EPHA6: variants seen among roughly 807,000 people sequenced by gnomAD.
EPHA6 encodes EPH receptor A6, also known as ephrin type-A receptor 6.
Under a neutral mutation model 112.0 loss-of-function variants are expected in EPHA6, and 50 were observed. The observed-to-expected ratio is 0.45, with a 90% CI of 0.36 to 0.56. EPHA6 has a LOEUF of 0.56. EPHA6 is among the 20% of genes least tolerant of loss of function. The pLI is 0.00. For synonymous variants in EPHA6, 529 were observed against 490.7 expected (o/e 1.08, Z -1.03); for missense variants, 1,280 against 1,417.4 (o/e 0.90, Z 1.56).
chr3:97,314,626 T>C (rs531006471), intron 5 of EPHA6, among the ~76,000 whole-genome samples: 7 of 151,728 alleles, frequency 4.6e-5, no homozygotes. Context: ...ACAAGACAGG[T>C]AACATTTTTA....
At chr3:97,437,047 T>C (rs1347122968) in intron 6 of EPHA6, among the ~76,000 whole-genome samples, 5 of 152,074 alleles carry the variant, frequency 3.3e-5, no homozygotes, top group African/African-American at 1.2e-4. Flanking sequence ...TTTTTTTTTT[T>C]TTGCGATTTT....
At chr3:97,650,853 T>A (rs1393283244) in intron 14 of EPHA6, among the ~76,000 whole-genome samples, 7 of 85,466 alleles carry the variant, frequency 8.2e-5, no homozygotes, top group Non-Finnish European at 1.3e-4. Flanking sequence ...CAAGACTCCA[T>A]CTCAAAAAAA....
chr3:97,661,372 G>A (rs2094168903), intron 14 of EPHA6, among the ~76,000 whole-genome samples: 2 of 152,192 alleles, frequency 1.3e-5, no homozygotes, highest in African/African-American at 4.8e-5. Flanking sequence ...TACTAGCTTT[G>A]AACACTGCAG....
At chr3:97,505,553 G>A (rs2217996) in intron 10 of EPHA6, among the ~76,000 whole-genome samples, 2,795 of 152,270 alleles carry the variant, frequency 0.018, 101 homozygotes, top group African/African-American at 0.064. Context: ...ATTTCATGGT[G>A]TATATGTGCC....
intron 1 of EPHA6, 141 bp from the exon 2 acceptor site, chr3:96,866,684 A>T: frequency 2.4e-6 from 1 of 409,626 alleles, no homozygotes; most frequent in Non-Finnish European, 4.4e-6. Context: ...TAAATTTCTG[A>T]AGATAACTCA....
chr3:97,748,380 C>T (rs1339901311), intron 17 of EPHA6, among the ~76,000 whole-genome samples: 1 of 152,002 alleles, frequency 6.6e-6, no homozygotes, highest in Non-Finnish European at 1.5e-5. Flanking sequence ...AAGAAACAAA[C>T]TTTTGCTGCT....
intron 3 of EPHA6, among the ~76,000 whole-genome samples, chr3:97,204,846 C>G (rs933545675): frequency 1.3e-5 from 2 of 152,106 alleles, no homozygotes; most frequent in Non-Finnish European, 2.9e-5. Context: ...TCATTTACAA[C>G]AGGCATTTTG....
At chr3:97,656,717 G>A (rs2094139958) in intron 14 of EPHA6, among the ~76,000 whole-genome samples, 1 of 151,826 alleles carries the variant, frequency 6.6e-6, no homozygotes, top group Non-Finnish European at 1.5e-5. Context: ...AGAAAGCACT[G>A]AAAAAATGAC....
rs576266905 is a variant in EPHA6 at position 97,555,104 on chromosome 3, C to A, written c.2386+22561C>A. Among the ~76,000 whole-genome samples, 152 of 151,108 alleles carry A rather than the reference C, an allele frequency of 1.0e-3. 1 individual carries two copies. Among genetic ancestry groups the A allele is most frequent in the African/African-American group, 3.5e-3 (145 of 41,082 alleles). ...CTTCCCCCCACCCCACAACAGTCCC[C>A]AGAGTGTGATGTTCCCCTTCCTGTG... is the stretch of plus-strand genomic sequence containing the variant. On this transcript the variant is annotated intron_variant, in intron 11 of 17. Transcript: ENST00000389672.
chr3:97,580,507 A>G (rs892926676), intron 11 of EPHA6, among the ~76,000 whole-genome samples: 31 of 152,106 alleles, frequency 2.0e-4, no homozygotes, highest in African/African-American at 7.2e-4. Flanking sequence ...CTCTCCTTCA[A>G]TATTCTTATG....
chr3:97,404,820 A>G (rs1311862764), intron 5 of EPHA6, among the ~76,000 whole-genome samples: 1 of 152,140 alleles, frequency 6.6e-6, no homozygotes, highest in Non-Finnish European at 1.5e-5. Context: ...CATACGAGCC[A>G]AGTGTATTGT....
chr3:97,083,878 A>G (rs1300747188), intron 3 of EPHA6, among the ~76,000 whole-genome samples: 1 of 151,636 alleles, frequency 6.6e-6, no homozygotes, highest in Non-Finnish European at 1.5e-5. Flanking sequence ...TGTTGTATAT[A>G]CATACATGAA....
At chr3:97,172,485 C>A (rs1458958982) in intron 3 of EPHA6, among the ~76,000 whole-genome samples, 1 of 152,008 alleles carries the variant, frequency 6.6e-6, no homozygotes, top group African/African-American at 2.4e-5. Flanking sequence ...GTGATTCTTA[C>A]TCATTCTAAA....
chr3:97,510,810 C>T (rs1175379000), intron 10 of EPHA6, among the ~76,000 whole-genome samples: 1 of 152,238 alleles, frequency 6.6e-6, no homozygotes, highest in East Asian at 1.9e-4. Context: ...CCCAGGTGCT[C>T]TGTCCCAGGG....
chr3:97,345,605 T>A (rs1277236517), intron 5 of EPHA6, among the ~76,000 whole-genome samples: 1 of 151,650 alleles, frequency 6.6e-6, no homozygotes, highest in African/African-American at 2.4e-5. Context: ...AGATATTGAC[T>A]AGATGACATT....
rs1226168910 is a variant in EPHA6, at chr3:96,996,865, TC to T, written c.1114+8874del. Reference sequence around the variant, plus strand: ...AGGTCCTAACAAGAGATCCAGCCTGTCCTTTGAAGCTTTGATGCCAGGCAAT... The same window carrying T: ...AGGTCCTAACAAGAGATCCAGCCTGTCTTTGAAGCTTTGATGCCAGGCAAT... On this transcript the variant is annotated intron_variant, in intron 3 of 17. Transcript: ENST00000389672. 2.6e-5 allele frequency among the ~76,000 whole-genome samples: 4 copies of T among 152,208 alleles called. No individual in the cohort carries two copies. The South Asian group carries it at 6.2e-4, about 24-fold the overall frequency.
At chr3:97,741,350 A>G (rs2035498164) in intron 16 of EPHA6, among the ~76,000 whole-genome samples, 1 of 151,954 alleles carries the variant, frequency 6.6e-6, no homozygotes, top group South Asian at 2.1e-4. Flanking sequence ...GAGACTCCGT[A>G]TCTAAAAAAA....
In EPHA6 at chr3:97,758,360, G is replaced by A. The variant is rs377331668; in HGVS notation, c.*9659G>A. Among the ~76,000 whole-genome samples the A allele has an allele frequency of 5.9e-4, 90 of 151,486 alleles. No individual in the cohort carries two copies. Among genetic ancestry groups the A allele is most frequent in the African/African-American group, 2.0e-3 (81 of 41,100 alleles). On this transcript the variant is annotated 3_prime_UTR_variant, in exon 18 of 18. Transcript: ENST00000389672. ...TTTAAACTATATAACAAATATAACC[G>A]TAGCAACAACAAATTAAAGGAGATC... is the stretch of plus-strand genomic sequence containing the variant.
At chr3:97,021,172 AGG>A (rs1243777256) in intron 3 of EPHA6, among the ~76,000 whole-genome samples, 1 of 152,188 alleles carries the variant, frequency 6.6e-6, no homozygotes, top group Non-Finnish European at 1.5e-5. Context: ...TTAATTTCAT[AGG>A]TTAAACTTGG....
Sources: gnomAD v4.1 joint callset for allele counts (sites outside exome capture counted in the v4.1 genomes callset) on GRCh38, gnomAD v4.1.1 for gene constraint, MANE v1.5 for transcripts, NCBI Gene and HGNC (gene_info 2026-07-23, HGNC 2026-07-21) for gene names.